HSDL2: variants seen among roughly 807,000 people sequenced by gnomAD.
The protein encoded by HSDL2 is hydroxysteroid dehydrogenase-like protein 2.
Under a neutral mutation model 46.3 loss-of-function variants are expected in HSDL2, and 27 were observed. The ratio of observed to expected loss-of-function variants is 0.58; its 90% CI spans 0.43 to 0.80. HSDL2 has a LOEUF of 0.80. Ranked by LOEUF, HSDL2 falls within the 30% of genes least tolerant of loss-of-function variation. HSDL2 has a pLI of 0.00. For synonymous variants in HSDL2, 153 were observed against 163.6 expected, an observed-to-expected ratio of 0.94 and a Z score of 0.50; for missense variants, 451 against 502.7, an observed-to-expected ratio of 0.90 and a Z score of 0.98.
At chr9:112,405,323 G>A (rs1012686334) in intron 2 of HSDL2, among the ~76,000 whole-genome samples, 1 of 152,182 alleles carries the variant, frequency 6.6e-6, no homozygotes, top group Non-Finnish European at 1.5e-5. Context: ...CTTCACCCAA[G>A]CCTGGGCAAG....
chr9:112,380,567 T>A (rs957250255), intron 1 of HSDL2, among the ~76,000 whole-genome samples: 1 of 152,152 alleles, frequency 6.6e-6, no homozygotes, highest in Non-Finnish European at 1.5e-5. Context: ...TTTCACTTGT[T>A]CCTGACGCTC....
intron 5 of HSDL2, among the ~76,000 whole-genome samples, chr9:112,418,372 C>T (rs1005200264): frequency 1.3e-5 from 2 of 151,906 alleles, no homozygotes; most frequent in East Asian, 1.9e-4. Flanking sequence ...TGCTTGAGCC[C>T]AGGAGTTCAA....
At chr9:112,442,167 G>T (rs1206654356) in intron 8 of HSDL2, among the ~76,000 whole-genome samples, 2 of 151,428 alleles carry the variant, frequency 1.3e-5, no homozygotes, top group Non-Finnish European at 2.9e-5. Flanking sequence ...TACTCAGGAG[G>T]CTGAGGTGGG....
intron 8 of HSDL2, among the ~76,000 whole-genome samples, chr9:112,450,732 T>G (rs554933440): frequency 6.6e-6 from 1 of 151,888 alleles, no homozygotes; most frequent in Non-Finnish European, 1.5e-5. Context: ...TTCAACCACT[T>G]TTTTTTGGCA....
At chr9:112,459,749 C>G (rs1833148926) in intron 10 of HSDL2, among the ~76,000 whole-genome samples, 172 bp downstream of exon 10, 1 of 152,196 alleles carries the variant, frequency 6.6e-6, no homozygotes, top group African/African-American at 2.4e-5. Flanking sequence ...TCCCTCCTCT[C>G]ACAAGTGGAA....
At chr9:112,441,102 A>G (rs946844531) in intron 7 of HSDL2, among the ~76,000 whole-genome samples, 16 of 152,144 alleles carry the variant, frequency 1.1e-4, no homozygotes, top group African/African-American at 3.9e-4. Context: ...TGGGAGGCTG[A>G]GGGAGGAGGA....
intron 1 of HSDL2, among the ~76,000 whole-genome samples, chr9:112,392,797 G>T (rs1831375890): frequency 6.6e-6 from 1 of 152,174 alleles, no homozygotes; most frequent in South Asian, 2.1e-4. Context: ...AATTATCACA[G>T]TGGTCCTGAG....
In HSDL2 at chr9:112,436,960, C is replaced by CTT. The variant is rs780957603; in HGVS notation, c.599-1455_599-1454dup. Among the ~76,000 whole-genome samples, 215 of 126,764 alleles carry CTT rather than the reference C, an allele frequency of 1.7e-3. 11 individuals carry two copies. Among genetic ancestry groups the CTT allele is most frequent in the African/African-American group, 4.3e-3 (143 of 33,362 alleles). 83.2% of individuals were successfully genotyped at this position (126,764 alleles called of 152,430 possible). A position where few individuals can be genotyped will look rare whatever the true frequency, so the allele number is the denominator to read the frequency against. On this transcript the variant is annotated intron_variant, in intron 6 of 10. Transcript: ENST00000398805. ...TTACTTCTCTTTCTTTTCTTTTTTT[C>CTT]TTTTTTTTTTTTTTTTTGAGACGGA...
chr9:112,416,119 A>AG (rs1831985317), intron 4 of HSDL2, among the ~76,000 whole-genome samples: 1 of 150,922 alleles, frequency 6.6e-6, no homozygotes, highest in East Asian at 1.9e-4. Context: ...AAAAAAAAAA[A>AG]AGTGGATTGG....
intron 1 of HSDL2, among the ~76,000 whole-genome samples, chr9:112,393,412 C>G (rs934483724): frequency 1.3e-5 from 2 of 152,144 alleles, no homozygotes; most frequent in African/African-American, 4.8e-5. Flanking sequence ...ATGTGATATT[C>G]GAGACTCATT....
At chr9:112,396,007 T>C (rs1310958848) in intron 1 of HSDL2, among the ~76,000 whole-genome samples, 1 of 152,238 alleles carries the variant, frequency 6.6e-6, no homozygotes, top group Non-Finnish European at 1.5e-5. Context: ...CTGTCTTCTT[T>C]TACGGTAACT....
At position 112,416,874 on chromosome 9, in the gene HSDL2, C is replaced by T. The variant is rs2132640642; in HGVS notation, c.429C>T (p.Ser143=). The part of the protein sequence containing the change: ...SKACIPYLKK[S]KVAHILNISP... ...CATGTATTCCTTATTTGAAAAAGAGCAAAGTTGCTCATATCCTCAATATCA... is the reference window on the plus strand; with the variant it reads ...CATGTATTCCTTATTTGAAAAAGAGTAAAGTTGCTCATATCCTCAATATCA... Residue 143 remains serine, a synonymous_variant, in exon 5 of 11, where the codon AGC becomes AGT. Coordinates refer to ENST00000398805, the MANE Select transcript of HSDL2 (RefSeq NM_032303.5). The T allele has an allele frequency of 1.2e-6, 2 of 1,601,278 alleles. No individual in the cohort carries two copies. Among genetic ancestry groups the T allele is most frequent in the African/African-American group, 1.3e-5 (1 of 74,720 alleles).
At chr9:112,390,011 G>C (rs569306665) in intron 1 of HSDL2, among the ~76,000 whole-genome samples, 37 of 151,618 alleles carry the variant, frequency 2.4e-4, no homozygotes, top group Non-Finnish European at 4.6e-4. Context: ...GTTGCAGTGA[G>C]CCGAGATCAC....
At chr9:112,403,118 C>T (rs1309969613) in intron 1 of HSDL2, among the ~76,000 whole-genome samples, 1 of 152,216 alleles carries the variant, frequency 6.6e-6, no homozygotes, top group Non-Finnish European at 1.5e-5. Context: ...CCCCACTATG[C>T]AGTCATTTAA....
intron 1 of HSDL2, among the ~76,000 whole-genome samples, chr9:112,403,384 G>T (rs1487618958): frequency 6.6e-6 from 1 of 152,152 alleles, no homozygotes; most frequent in African/African-American, 2.4e-5. Context: ...GAATGTTTTT[G>T]GTTCATCCAT....
intron 1 of HSDL2, among the ~76,000 whole-genome samples, chr9:112,380,502 A>G (rs1014866041): frequency 2.6e-5 from 4 of 152,172 alleles, no homozygotes; most frequent in African/African-American, 9.7e-5. Flanking sequence ...GCCTGGCCGA[A>G]TGCGTGTGAG....
At chr9:112,465,514 T>G (rs1213017491) in intron 10 of HSDL2, among the ~76,000 whole-genome samples, 1 of 152,192 alleles carries the variant, frequency 6.6e-6, no homozygotes, top group African/African-American at 2.4e-5. Context: ...GTTTCAAAAC[T>G]TTTTCATCAC....
rs75060322 is a variant in HSDL2, at chr9:112,427,506, C to A, written c.598+8548C>A. 3.2e-3 allele frequency among the ~76,000 whole-genome samples: 491 copies of A among 152,296 alleles called. 5 individuals are homozygous for A. The highest frequency in any genetic ancestry group is 0.011 in the African/African-American group (469 of 41,570). On this transcript the variant is annotated intron_variant, in intron 6 of 10. Coordinates refer to ENST00000398805, the MANE Select transcript of HSDL2 (RefSeq NM_032303.5). ...ACCTTAATATCATCTAATATCTAGT[C>A]AGTGTTCAAATTCCCTCAAGTGTCT...
chr9:112,453,465 T>C (rs1411597479), intron 8 of HSDL2, among the ~76,000 whole-genome samples: 1 of 152,188 alleles, frequency 6.6e-6, no homozygotes, highest in Non-Finnish European at 1.5e-5. Flanking sequence ...TGATCTCGGC[T>C]CACTGCAGCC....
Sources: gnomAD v4.1 joint callset for allele counts (sites outside exome capture counted in the v4.1 genomes callset) on GRCh38, gnomAD v4.1.1 for gene constraint, MANE v1.5 for transcripts, NCBI Gene and HGNC (gene_info 2026-07-23, HGNC 2026-07-21) for gene names.